The following CABLES1 variants were observed in gnomAD, a reference collection of about 807,000 sequenced individuals.
The protein encoded by CABLES1 is CDK5 and ABL1 enzyme substrate 1.
A neutral mutation model predicts 57.8 loss-of-function variants in CABLES1; 36 were observed. That is an observed-to-expected ratio of 0.62 (90% CI 0.48 to 0.82). CABLES1 has a LOEUF of 0.82. Among genes scored for constraint, CABLES1 ranks in the 40% least tolerant of loss-of-function variants. The pLI is 0.00. For synonymous variants in CABLES1, 374 were observed against 363.0 expected, an observed-to-expected ratio of 1.03 and a Z score of -0.35; for missense variants, 767 against 836.6, an observed-to-expected ratio of 0.92 and a Z score of 1.03.
chr18:23,146,377 C>T (rs988565875), intron 1 of CABLES1, among the ~76,000 whole-genome samples: 2 of 151,926 alleles, frequency 1.3e-5, no homozygotes, highest in Non-Finnish European at 2.9e-5. Context: ...GATCTTGGCT[C>T]ACTGCAACCT....
At chr18:23,255,043 T>C (rs2048128705) in intron 9 of CABLES1, among the ~76,000 whole-genome samples, 2 of 152,158 alleles carry the variant, frequency 1.3e-5, no homozygotes, top group African/African-American at 2.4e-5. Flanking sequence ...TTGAATAGTT[T>C]TGATGGGCTG....
intron 1 of CABLES1, among the ~76,000 whole-genome samples, chr18:23,145,642 A>T (rs1184853834): frequency 6.6e-6 from 1 of 152,182 alleles, no homozygotes; most frequent in Non-Finnish European, 1.5e-5. Flanking sequence ...ACTTAGTATT[A>T]CATACGGGAA....
At chr18:23,248,538 T>TTTTTTTA (rs1555671608) in intron 7 of CABLES1, among the ~76,000 whole-genome samples, 57 of 93,612 alleles carry the variant, frequency 6.1e-4, no homozygotes, top group African/African-American at 1.8e-3. Context: ...TTTTTTTTTT[T>TTTTTTTA]AAAAAAAGGC....
chr18:23,145,500 A>G (rs1464099485), intron 1 of CABLES1, among the ~76,000 whole-genome samples: 1 of 152,214 alleles, frequency 6.6e-6, no homozygotes, highest in African/African-American at 2.4e-5. Flanking sequence ...GCTGCTTAAC[A>G]TAATGATGTA....
intron 1 of CABLES1, among the ~76,000 whole-genome samples, chr18:23,156,125 T>C (rs1371644538): frequency 1.3e-5 from 2 of 152,050 alleles, no homozygotes; most frequent in Non-Finnish European, 2.9e-5. Flanking sequence ...GTGGTGTGAA[T>C]GGCATGAGGT....
At chr18:23,144,423 C>CT (rs1284524989) in intron 1 of CABLES1, among the ~76,000 whole-genome samples, 1 of 152,250 alleles carries the variant, frequency 6.6e-6, no homozygotes, top group Admixed American at 6.5e-5. Flanking sequence ...CTAAAACAAT[C>CT]TGTCATGGGG....
At chr18:23,249,504 C>T (rs1365794255) in intron 7 of CABLES1, among the ~76,000 whole-genome samples, 1 of 152,206 alleles carries the variant, frequency 6.6e-6, no homozygotes, top group Non-Finnish European at 1.5e-5. Flanking sequence ...GAGGCCCCAC[C>T]CTCAGAGACT....
In CABLES1 at chr18:23,214,067, A is replaced by G. The variant is rs767422781; in HGVS notation, c.1088+13A>G. On this transcript the variant is annotated intron_variant, in intron 4 of 9. Transcript: ENST00000256925. ...GTACCCAAGTCGGGTATGTATATGCATGCATGCTTTGTAGTTCTCTGGGTG... is the reference window on the plus strand; with the variant it reads ...GTACCCAAGTCGGGTATGTATATGCGTGCATGCTTTGTAGTTCTCTGGGTG... 8 of 1,583,090 alleles carry G rather than the reference A, an allele frequency of 5.1e-6. No individual in the cohort carries two copies. The highest frequency in any genetic ancestry group is 4.3e-6 in the Non-Finnish European group (5 of 1,154,784).
chr18:23,211,329 C>T (rs775054758), intron 3 of CABLES1, among the ~76,000 whole-genome samples: 1 of 152,204 alleles, frequency 6.6e-6, no homozygotes, highest in African/African-American at 2.4e-5. Flanking sequence ...CAGAGGACAT[C>T]GATGCCCAGT....
intron 3 of CABLES1, among the ~76,000 whole-genome samples, chr18:23,202,620 C>T (rs2047333351): frequency 6.6e-6 from 1 of 152,206 alleles, no homozygotes; most frequent in Admixed American, 6.5e-5. Context: ...CAGACATTTA[C>T]ACAGCCTCGC....
chr18:23,159,056 C>T (rs1198989960), intron 1 of CABLES1, among the ~76,000 whole-genome samples: 1 of 152,204 alleles, frequency 6.6e-6, no homozygotes, highest in Non-Finnish European at 1.5e-5. Flanking sequence ...ACCGCCACCT[C>T]TTGAGTTCAA....
chr18:23,210,434 T>A (rs979103231), intron 3 of CABLES1, among the ~76,000 whole-genome samples: 8 of 152,212 alleles, frequency 5.3e-5, no homozygotes, highest in African/African-American at 1.7e-4. Flanking sequence ...CTGTGCTTGT[T>A]GTTTATGTCA....
chr18:23,189,206 T>C (rs2047224193), intron 2 of CABLES1: 1 of 340,128 alleles, frequency 2.9e-6, no homozygotes. Context: ...GAGCCCAGCA[T>C]TGTCCCGGCC....
chr18:23,154,911 A>G (rs1470340197), intron 1 of CABLES1, among the ~76,000 whole-genome samples: 2 of 152,246 alleles, frequency 1.3e-5, no homozygotes, highest in Non-Finnish European at 2.9e-5. Flanking sequence ...ATACGCTGAT[A>G]TTCATGTCAT....
chr18:23,208,061 C>A (rs2047377059), intron 3 of CABLES1, among the ~76,000 whole-genome samples: 1 of 152,196 alleles, frequency 6.6e-6, no homozygotes, highest in Non-Finnish European at 1.5e-5. Flanking sequence ...CTGTTCCCAC[C>A]TGTTACAATC....
intron 7 of CABLES1, among the ~76,000 whole-genome samples, chr18:23,247,997 A>G (rs2047940555): frequency 6.6e-6 from 1 of 152,240 alleles, no homozygotes; most frequent in Non-Finnish European, 1.5e-5. Flanking sequence ...TCTGTCAGGA[A>G]ACGGAGTCCC....
intron 1 of CABLES1, among the ~76,000 whole-genome samples, chr18:23,162,016 T>C (rs2144976737): frequency 6.6e-6 from 1 of 151,502 alleles, no homozygotes; most frequent in Admixed American, 6.6e-5. Context: ...ATGCAAAAAA[T>C]TAGCTGGGCA....
rs2046821068 is a variant in CABLES1 at position 23,136,349 on chromosome 18, T to G, written c.587T>G (p.Leu196Arg). The G allele has an allele frequency of 6.8e-7, 1 of 1,474,462 alleles. No individual in the cohort carries two copies. Among genetic ancestry groups the G allele is most frequent in the Admixed American group, 2.5e-5 (1 of 39,290 alleles). The allele number at this position is 1,474,462 out of a possible 1,614,324, so 91.3% of individuals were successfully genotyped here. A position where few individuals can be genotyped will look rare whatever the true frequency, so the allele number is the denominator to read the frequency against. ...APLAACAQLQLLDGSGAAGQE... is the reference protein window; with the variant it reads ...APLAACAQLQRLDGSGAAGQE... ...CTCGCCGCCTGTGCCCAACTGCAGC[T>G]GCTCGACGGGTCCGGGGCCGCCGGG... Residue 196 changes from leucine to arginine, a missense_variant, in exon 1 of 10, where the codon CTG becomes CGG. Transcript: ENST00000256925.
At chr18:23,223,446 C>T (rs1278984151) in intron 4 of CABLES1, among the ~76,000 whole-genome samples, 2 of 151,882 alleles carry the variant, frequency 1.3e-5, no homozygotes, top group Non-Finnish European at 2.9e-5. Context: ...GACGTACTGG[C>T]AGGCGCCTGA....
Sources: allele counts gnomAD v4.1 joint callset (sites outside exome capture counted in the v4.1 genomes callset), GRCh38; gene constraint gnomAD v4.1.1; transcripts MANE v1.5; gene names NCBI Gene and HGNC (gene_info 2026-07-23, HGNC 2026-07-21).